Variants in OSBPL9 observed in about 807,000 individuals in gnomAD.
The protein encoded by OSBPL9 is oxysterol binding protein like 9.
OSBPL9 carries 40 observed loss-of-function variants against 106.6 expected under a neutral mutation model. The observed-to-expected ratio is 0.38, with a 90% CI of 0.29 to 0.49. The LOEUF (loss-of-function observed/expected upper bound fraction) is 0.49. Ranked by LOEUF, OSBPL9 falls within the 20% of genes least tolerant of loss-of-function variation. The probability of loss-of-function intolerance (pLI) is 0.97; values close to 1 mark genes in which losing one functional copy is unlikely to be tolerated. For synonymous variants in OSBPL9, 269 were observed against 295.4 expected, an observed-to-expected ratio of 0.91 and a Z score of 0.92; for missense variants, 609 against 887.2, an observed-to-expected ratio of 0.69 and a Z score of 3.98.
intron 1 of OSBPL9, chr1:51,583,865 C>T (rs529200538): frequency 1.4e-4 from 21 of 152,056 alleles, no homozygotes; most frequent in Non-Finnish European, 3.1e-4. Context: ...CACACACAAG[C>T]ACACACACCC....
chr1:51,603,165 C>CAA (rs140160724), intron 2 of OSBPL9, among the ~76,000 whole-genome samples: 1 of 151,380 alleles, frequency 6.6e-6, no homozygotes, highest in Non-Finnish European at 1.5e-5. Context: ...AAAACAAAAA[C>CAA]AAAAAAAACA....
At chr1:51,654,009 G>GA (rs1190242726) in intron 2 of OSBPL9, among the ~76,000 whole-genome samples, 176 of 145,404 alleles carry the variant, frequency 1.2e-3, no homozygotes, top group African/African-American at 4.0e-3. Context: ...GACCCTATCT[G>GA]AAAAAAAAGA....
chr1:51,707,581 C>G (rs1264946991), intron 3 of OSBPL9: 1 of 179,880 alleles, frequency 5.6e-6, no homozygotes, highest in Non-Finnish European at 1.2e-5. Flanking sequence ...ACCATCTACC[C>G]ACATCTTCTG....
intron 4 of OSBPL9, 118 bp downstream of exon 4, chr1:51,714,197 C>A: frequency 1.5e-6 from 1 of 657,522 alleles, no homozygotes; most frequent in Non-Finnish European, 2.5e-6. Flanking sequence ...CTTATAATTT[C>A]TGAGTTGCTT....
chr1:51,678,065 C>A (rs1651705954), intron 3 of OSBPL9, among the ~76,000 whole-genome samples: 1 of 151,414 alleles, frequency 6.6e-6, no homozygotes, highest in African/African-American at 2.4e-5. Context: ...TGCCTGTAGT[C>A]CCAGCTACTC....
intron 3 of OSBPL9, among the ~76,000 whole-genome samples, chr1:51,690,831 T>TA (rs1471065250): frequency 1.3e-5 from 2 of 152,210 alleles, no homozygotes; most frequent in Admixed American, 6.5e-5. Context: ...AATGCGTCAT[T>TA]AGACAGTTTC....
chr1:51,649,473 A>G (rs1052914193), intron 1 of OSBPL9, among the ~76,000 whole-genome samples: 5 of 152,124 alleles, frequency 3.3e-5, no homozygotes, highest in Admixed American at 3.3e-4. Flanking sequence ...CTACTCTCCT[A>G]TGAATAGGAA....
intron 4 of OSBPL9, among the ~76,000 whole-genome samples, chr1:51,724,323 G>T (rs963139824): frequency 1.3e-5 from 2 of 151,632 alleles, no homozygotes; most frequent in Admixed American, 6.6e-5. Context: ...TCACTCTGTC[G>T]CCTGGGCTGG....
chr1:51,634,339 A>C (rs1220643608), intron 1 of OSBPL9, among the ~76,000 whole-genome samples: 2 of 152,008 alleles, frequency 1.3e-5, no homozygotes, highest in Non-Finnish European at 2.9e-5. Flanking sequence ...AGAGTTTAAC[A>C]CTCCCTCATT....
At chr1:51,713,334 G>A (rs1660459686) in intron 3 of OSBPL9, among the ~76,000 whole-genome samples, 1 of 151,980 alleles carries the variant, frequency 6.6e-6, no homozygotes, top group Admixed American at 6.6e-5. Context: ...ATTTTTAGTA[G>A]AGATGGGGTT....
intron 4 of OSBPL9, among the ~76,000 whole-genome samples, chr1:51,742,786 T>G (rs1667204495): frequency 6.6e-6 from 1 of 151,924 alleles, no homozygotes. Flanking sequence ...TATGAATAAG[T>G]GTTGTGGCTT....
intron 2 of OSBPL9, among the ~76,000 whole-genome samples, chr1:51,602,018 CTTTTTTTTT>C (rs758760414): frequency 1.3e-5 from 1 of 76,406 alleles, no homozygotes; most frequent in South Asian, 5.8e-4. Context: ...TCTTGGGGTT[CTTTTTTTTT>C]TTTTTTTTTT....
At chr1:51,596,156 G>A (rs1168850979) in intron 1 of OSBPL9, among the ~76,000 whole-genome samples, 1 of 151,388 alleles carries the variant, frequency 6.6e-6, no homozygotes, top group Non-Finnish European at 1.5e-5. Context: ...TACTTGGGGA[G>A]GCTGAAGCAG....
At chr1:51,566,396 G>A in the OSBPL9 span, 1 of 152,050 alleles carries the variant, frequency 6.6e-6, no homozygotes, top group Non-Finnish European at 1.5e-5. Context: ...TTGGTTTCTG[G>A]GCGTAGGGTC....
At chr1:51,759,013 T>A (rs913584060) in intron 9 of OSBPL9, among the ~76,000 whole-genome samples, 2 of 152,062 alleles carry the variant, frequency 1.3e-5, no homozygotes, top group African/African-American at 4.8e-5. Flanking sequence ...CCATAGAGGA[T>A]AAGAGACTTA....
chr1:51,774,631 G>T (rs1283359702), intron 14 of OSBPL9, among the ~76,000 whole-genome samples: 1 of 152,100 alleles, frequency 6.6e-6, no homozygotes, highest in African/African-American at 2.4e-5. Flanking sequence ...TATAAGCAGG[G>T]CATGTAATTA....
intron 8 of OSBPL9, 100 bp downstream of exon 8, chr1:51,750,295 A>G (rs879836948): frequency 2.8e-5 from 20 of 717,920 alleles, no homozygotes; most frequent in Non-Finnish European, 4.0e-5. Context: ...GAAACATAGT[A>G]CCTTTCTACA....
chr1:51,668,114 A>T (rs935173285), intron 2 of OSBPL9, among the ~76,000 whole-genome samples: 1 of 151,384 alleles, frequency 6.6e-6, no homozygotes, highest in African/African-American at 2.4e-5. Flanking sequence ...AGTCATTTCA[A>T]CTCCCTTGTC....
At chr1:51,757,422 A>T (rs1670572859) in intron 9 of OSBPL9, among the ~76,000 whole-genome samples, 1 of 151,994 alleles carries the variant, frequency 6.6e-6, no homozygotes, top group Admixed American at 6.5e-5. Flanking sequence ...AAAGGACTGT[A>T]TGTATTGTCT....
Sources: gnomAD v4.1 joint callset for allele counts (sites outside exome capture counted in the v4.1 genomes callset) on GRCh38, gnomAD v4.1.1 for gene constraint, MANE v1.5 for transcripts, NCBI Gene and HGNC (gene_info 2026-07-23, HGNC 2026-07-21) for gene names.